Variants in TRMT9B observed in about 807,000 individuals in gnomAD.
The protein encoded by TRMT9B is probable tRNA methyltransferase 9B.
In TRMT9B, 16 loss-of-function variants were observed where a neutral mutation model predicts 11.5. That is an observed-to-expected ratio of 1.39 (90% CI 0.94 to 2.11). TRMT9B has a LOEUF of 2.11. TRMT9B is among the 30% of genes most tolerant of loss of function. TRMT9B has a pLI of 0.00. For synonymous variants in TRMT9B, 274 were observed against 192.4 expected (o/e 1.42, Z -3.51); for missense variants, 941 against 553.8 (o/e 1.70, Z -7.02).
At chr8:12,966,105 C>A (rs1802778888) in intron 1 of TRMT9B, among the ~76,000 whole-genome samples, 1 of 149,906 alleles carries the variant, frequency 6.7e-6, no homozygotes, top group Non-Finnish European at 1.5e-5. Context: ...GTAGAAGGAT[C>A]ACTTGAGCCC....
intron 2 of TRMT9B, among the ~76,000 whole-genome samples, chr8:12,998,553 C>T (rs1425389536): frequency 2.0e-5 from 3 of 152,224 alleles, no homozygotes; most frequent in Non-Finnish European, 4.4e-5. Context: ...GGGCTAAGTG[C>T]TTACAGCCTA....
chr8:12,970,907 T>A (rs1287091611), intron 1 of TRMT9B, among the ~76,000 whole-genome samples: 1 of 152,230 alleles, frequency 6.6e-6, no homozygotes. Flanking sequence ...TTGGGGGATG[T>A]TAAAACACAT....
chr8:12,996,222 G>A (rs888101765), intron 2 of TRMT9B, among the ~76,000 whole-genome samples: 10 of 152,126 alleles, frequency 6.6e-5, no homozygotes, highest in African/African-American at 2.4e-4. Context: ...TTCACTTTGA[G>A]TTATTGAGTA....
At chr8:12,980,298 C>T (rs1323916147) in intron 1 of TRMT9B, among the ~76,000 whole-genome samples, 1 of 152,188 alleles carries the variant, frequency 6.6e-6, no homozygotes, top group African/African-American at 2.4e-5. Flanking sequence ...TGCCTTCTGT[C>T]TTCTCTCCTG....
chr8:13,020,973 G>C, intron 4 of TRMT9B, 35 bp from the exon 5 acceptor site: 1 of 1,387,020 alleles, frequency 7.2e-7, no homozygotes, highest in Non-Finnish European at 9.8e-7. Flanking sequence ...TTATGTGTGT[G>C]CATACACACT....
chr8:13,006,737 C>G, intron 3 of TRMT9B: 1 of 972,892 alleles, frequency 1.0e-6, no homozygotes, highest in Non-Finnish European at 1.3e-6. Flanking sequence ...GGTGCAATCT[C>G]AGCTTGCTGC....
At position 13,021,896 on chromosome 8, in the gene TRMT9B, C is replaced by T. The variant is rs758134647; in HGVS notation, c.1217C>T (p.Thr406Ile). The T allele has an allele frequency of 4.2e-5, 68 of 1,613,700 alleles. No homozygotes were observed. The highest frequency in any genetic ancestry group is 5.3e-5 in the Non-Finnish European group (63 of 1,179,888). The change falls in exon 5 of 5, where the codon ACA becomes ATA. Residue 406 changes from threonine to isoleucine, a missense_variant. Coordinates refer to ENST00000524591, the MANE Select transcript of TRMT9B (RefSeq NM_020844.3). ...EDPQTDVLDS[T>I]AFMRYYHVFR... Reference sequence around the variant, plus strand: ...CCACAGACTGATGTTTTGGACTCCACAGCCTTTATGCGCTACTACCATGTG... The same window carrying T: ...CCACAGACTGATGTTTTGGACTCCATAGCCTTTATGCGCTACTACCATGTG...
At chr8:13,017,230 G>A (rs977198448) in intron 4 of TRMT9B, among the ~76,000 whole-genome samples, 1 of 152,134 alleles carries the variant, frequency 6.6e-6, no homozygotes. Flanking sequence ...TTAGAGAGGC[G>A]AGGCATGTAC....
chr8:13,002,371 A>C (rs1809602857), intron 2 of TRMT9B, among the ~76,000 whole-genome samples: 1 of 152,238 alleles, frequency 6.6e-6, no homozygotes, highest in African/African-American at 2.4e-5. Flanking sequence ...ATAGACTAAA[A>C]TCTACTGAGA....
chr8:13,005,480 C>A (rs1810289919), intron 2 of TRMT9B, among the ~76,000 whole-genome samples: 2 of 152,090 alleles, frequency 1.3e-5, no homozygotes, highest in African/African-American at 2.4e-5. Flanking sequence ...GTGATGAACA[C>A]CCCATTCTCC....
intron 1 of TRMT9B, among the ~76,000 whole-genome samples, chr8:12,969,050 A>T (rs778118543): frequency 1.6e-4 from 24 of 152,146 alleles, no homozygotes; most frequent in Non-Finnish European, 2.8e-4. Flanking sequence ...CATCTCTACT[A>T]ATAATAGAAA....
At chr8:12,998,748 A>C (rs1324311543) in intron 2 of TRMT9B, among the ~76,000 whole-genome samples, 2 of 152,236 alleles carry the variant, frequency 1.3e-5, no homozygotes, top group East Asian at 3.8e-4. Flanking sequence ...CTCCTTGATG[A>C]GACAGTAGAA....
intron 2 of TRMT9B, among the ~76,000 whole-genome samples, chr8:12,994,894 C>T (rs1010460489): frequency 5.9e-5 from 9 of 152,290 alleles, no homozygotes; most frequent in African/African-American, 1.9e-4. Context: ...GTTGGTCAGG[C>T]TGGTCTCGAA....
At chr8:13,006,559 G>T (rs1396945121) in intron 3 of TRMT9B, 8 of 1,422,412 alleles carry the variant, frequency 5.6e-6, no homozygotes, top group Admixed American at 5.7e-5. Flanking sequence ...GTTCTAATAG[G>T]AATCCTGAAA....
rs7823507 is a variant in TRMT9B, at chr8:12,956,116, G to A, written c.-200+10150G>A. ...ACTCATCTCCCTGCAAGAACACTGT[G>A]CCCAGAACCCTAGCTGCAAGGGACT... On this transcript the variant is annotated intron_variant, in intron 1 of 4. Transcript: ENST00000524591. Among the ~76,000 whole-genome samples the A allele has an allele frequency of 3.8e-3, 580 of 152,270 alleles. 4 individuals carry two copies. Among genetic ancestry groups the A allele is most frequent in the African/African-American group, 0.013 (558 of 41,556 alleles).
At position 13,025,316 on chromosome 8, in the gene TRMT9B, T is replaced by C; in HGVS notation, c.*3272T>C. ...GGTGGATCAGCTGAGGTCAGGAGTT[T>C]GAGACCAGCCTGACCAACATGGTGA... On this transcript the variant is annotated 3_prime_UTR_variant, in exon 5 of 5. Transcript: ENST00000524591. 6.0e-6 allele frequency: 1 copy of C among 166,348 alleles called. No individual in the cohort carries two copies. Among genetic ancestry groups the C allele is most frequent in the Non-Finnish European group, 1.5e-5 (1 of 68,208 alleles). The allele number at this position is 166,348 out of a possible 1,614,324, so 10.3% of individuals were successfully genotyped here.
chr8:13,008,859 G>A (rs1811009242), intron 3 of TRMT9B, among the ~76,000 whole-genome samples: 1 of 152,118 alleles, frequency 6.6e-6, no homozygotes, highest in Non-Finnish European at 1.5e-5. Flanking sequence ...CTCCCTAGTA[G>A]CTGGGACTAC....
intron 1 of TRMT9B, among the ~76,000 whole-genome samples, chr8:12,953,806 A>G (rs1369303679): frequency 6.6e-6 from 1 of 152,160 alleles, no homozygotes; most frequent in East Asian, 1.9e-4. Context: ...GTCATTGGTT[A>G]CCTATAACTT....
chr8:12,983,864 A>G (rs1025647537), intron 1 of TRMT9B, among the ~76,000 whole-genome samples: 7 of 152,194 alleles, frequency 4.6e-5, no homozygotes, highest in Non-Finnish European at 8.8e-5. Flanking sequence ...TGCTGTTAAC[A>G]GCTGACACAG....
Sources: gnomAD v4.1 joint callset for allele counts (sites outside exome capture counted in the v4.1 genomes callset) on GRCh38, gnomAD v4.1.1 for gene constraint, MANE v1.5 for transcripts, NCBI Gene and HGNC (gene_info 2026-07-23, HGNC 2026-07-21) for gene names.